The following LUZP2 variants were observed in gnomAD, a reference collection of about 807,000 sequenced individuals.
LUZP2 encodes leucine zipper protein 2.
LUZP2 carries 52 observed loss-of-function variants against 51.6 expected under a neutral mutation model. The ratio of observed to expected loss-of-function variants is 1.01; its 90% confidence interval spans 0.81 to 1.27. LUZP2 has a LOEUF of 1.27. Among genes scored for constraint, LUZP2 ranks in the 50% most tolerant of loss-of-function variants. LUZP2 has a pLI of 0.00. For missense variants in LUZP2, 436 were observed against 395.4 expected (o/e 1.10, Z -0.87); for synonymous variants, 154 against 137.3 (o/e 1.12, Z -0.85).
intron 1 of LUZP2, among the ~76,000 whole-genome samples, chr11:24,547,632 C>A (rs531704492): frequency 1.3e-5 from 2 of 152,060 alleles, no homozygotes; most frequent in African/African-American, 4.8e-5. Flanking sequence ...TAGAAGAAAA[C>A]ATAGGAAATA....
chr11:24,712,856 T>C (rs1857889408), intron 1 of LUZP2, among the ~76,000 whole-genome samples: 1 of 152,202 alleles, frequency 6.6e-6, no homozygotes, highest in Admixed American at 6.5e-5. Flanking sequence ...AAACTTATTG[T>C]ATTAAGGGCT....
rs775693949 is a variant in LUZP2 at position 25,078,885 on chromosome 11, A to G, written c.*227A>G. ...CAGTCAGAAATATTTTGTTGTCAAC[A>G]GTAAATTGTCCCATATAAATTGGTC... On this transcript the variant is annotated 3_prime_UTR_variant, in exon 12 of 12. Coordinates refer to ENST00000336930, the MANE Select transcript of LUZP2 (RefSeq NM_001009909.4). 3 of 444,562 alleles carry G rather than the reference A, an allele frequency of 6.7e-6. No individual in the cohort carries two copies. The highest frequency in any genetic ancestry group is 1.2e-5 in the Non-Finnish European group (3 of 254,152). 27.5% of individuals were successfully genotyped at this position (444,562 alleles called of 1,614,324 possible).
chr11:24,625,035 T>C (rs1485667588), intron 1 of LUZP2, among the ~76,000 whole-genome samples: 5 of 152,020 alleles, frequency 3.3e-5, no homozygotes, highest in Non-Finnish European at 7.4e-5. Flanking sequence ...CCAAATGCCA[T>C]TGACATGGAT....
At chr11:24,972,372 CTAATT>C in intron 7 of LUZP2, among the ~76,000 whole-genome samples, 1 of 152,042 alleles carries the variant, frequency 6.6e-6, no homozygotes, top group East Asian at 1.9e-4. Context: ...CAGATATTGA[CTAATT>C]TAATTCTCCC....
intron 11 of LUZP2, among the ~76,000 whole-genome samples, chr11:25,077,974 T>C (rs11028407): frequency 0.37 from 55,837 of 151,854 alleles, 11,919 homozygotes; most frequent in East Asian, 0.79. Flanking sequence ...GGGGAGTTCT[T>C]CCTCACTTCC....
intron 5 of LUZP2, chr11:24,893,374 T>C (rs2133762452): frequency 6.6e-6 from 1 of 152,050 alleles, no homozygotes; most frequent in Non-Finnish European, 1.5e-5. Flanking sequence ...AAAACAAAAG[T>C]AGCAAAACTC....
At chr11:24,973,363 A>ATTTT (rs1554948326) in intron 7 of LUZP2, among the ~76,000 whole-genome samples, 2 of 15,998 alleles carry the variant, frequency 1.3e-4, no homozygotes, top group Non-Finnish European at 3.0e-4. Context: ...TATATTTATT[A>ATTTT]GTTTTTTTTT....
chr11:24,728,493 GT>G (rs909346235), intron 1 of LUZP2, among the ~76,000 whole-genome samples: 1 of 151,796 alleles, frequency 6.6e-6, no homozygotes, highest in Non-Finnish European at 1.5e-5. Context: ...CTGTTTTCCT[GT>G]TTTTTTCCCT....
chr11:24,848,353 C>T (rs1205552309), intron 5 of LUZP2, among the ~76,000 whole-genome samples: 2 of 152,130 alleles, frequency 1.3e-5, no homozygotes, highest in Non-Finnish European at 2.9e-5. Flanking sequence ...CCTTTATCTT[C>T]ACTACATTTA....
intron 1 of LUZP2, among the ~76,000 whole-genome samples, chr11:24,723,386 G>A (rs1329984606): frequency 1.3e-5 from 2 of 152,202 alleles, no homozygotes; most frequent in East Asian, 1.9e-4. Flanking sequence ...CAGCATAAAC[G>A]TGTTTATATG....
At chr11:24,569,729 T>TAG (rs1220388311) in intron 1 of LUZP2, among the ~76,000 whole-genome samples, 1 of 151,930 alleles carries the variant, frequency 6.6e-6, no homozygotes, top group Non-Finnish European at 1.5e-5. Context: ...GAAAAAATAT[T>TAG]AGAATGTAGC....
At chr11:24,501,241 C>A (rs1357729522) in intron 1 of LUZP2, among the ~76,000 whole-genome samples, 1 of 152,190 alleles carries the variant, frequency 6.6e-6, no homozygotes, top group Non-Finnish European at 1.5e-5. Context: ...TCTTACATTG[C>A]AGTTTTGCAC....
chr11:24,601,630 C>A (rs1251191746), intron 1 of LUZP2, among the ~76,000 whole-genome samples: 1 of 151,238 alleles, frequency 6.6e-6, no homozygotes. Context: ...TTTTCTCTGC[C>A]CAATATATTT....
intron 9 of LUZP2, among the ~76,000 whole-genome samples, chr11:25,045,722 A>G (rs1322734975): frequency 6.6e-6 from 1 of 151,974 alleles, no homozygotes; most frequent in Non-Finnish European, 1.5e-5. Flanking sequence ...GCCTGTTATT[A>G]CTCTTTTGAG....
Position 24,682,546 on chromosome 11 carries a change from T to TAC in LUZP2, c.63-46622_63-46621insCA, listed in dbSNP as rs1565074547. Among the ~76,000 whole-genome samples the TAC allele has an allele frequency of 2.8e-5, 4 of 144,226 alleles. No individual in the cohort carries two copies. In the East Asian group the frequency reaches 8.3e-4, roughly 30 times the overall value. The allele number at this position is 144,226 out of a possible 152,430, so 94.6% of individuals were successfully genotyped here. Reference sequence around the variant, plus strand: ...ATTCAGTAGGTTCAGTGTGTATATGTATATATACACACTGAACCCTACTGA... The same window carrying TAC: ...ATTCAGTAGGTTCAGTGTGTATATGTACATATATACACACTGAACCCTACTGA... On this transcript the variant is annotated intron_variant, in intron 1 of 11. Coordinates refer to ENST00000336930, the MANE Select transcript of LUZP2 (RefSeq NM_001009909.4).
At chr11:24,830,790 C>A (rs1483042626) in intron 5 of LUZP2, among the ~76,000 whole-genome samples, 1 of 151,642 alleles carries the variant, frequency 6.6e-6, no homozygotes, top group African/African-American at 2.4e-5. Context: ...GTCAGGAGAT[C>A]GAGACCATCC....
chr11:24,778,656 G>A (rs1357132816), intron 5 of LUZP2, among the ~76,000 whole-genome samples: 1 of 152,032 alleles, frequency 6.6e-6, no homozygotes, highest in Admixed American at 6.6e-5. Flanking sequence ...GAAACTAAAT[G>A]AAGGAACATA....
At chr11:24,849,202 A>G (rs1156373624) in intron 5 of LUZP2, among the ~76,000 whole-genome samples, 1 of 152,122 alleles carries the variant, frequency 6.6e-6, no homozygotes, top group Non-Finnish European at 1.5e-5. Context: ...ACATAGGTAT[A>G]CACCTACCAT....
At chr11:24,890,337 G>T (rs946363886) in intron 5 of LUZP2, among the ~76,000 whole-genome samples, 1 of 152,138 alleles carries the variant, frequency 6.6e-6, no homozygotes, top group African/African-American at 2.4e-5. Context: ...AGAAGTACAT[G>T]ACAATAATAA....
Sources: gnomAD v4.1 joint callset for allele counts (sites outside exome capture counted in the v4.1 genomes callset) on GRCh38, gnomAD v4.1.1 for gene constraint, MANE v1.5 for transcripts, NCBI Gene and HGNC (gene_info 2026-07-23, HGNC 2026-07-21) for gene names.